MTR: variants seen among roughly 807,000 people sequenced by gnomAD.
MTR encodes the protein methionine synthase.
A neutral mutation model predicts 154.8 loss-of-function variants in MTR; 84 were observed. The ratio of observed to expected loss-of-function variants is 0.54; its 90% CI spans 0.45 to 0.65. The LOEUF (loss-of-function observed/expected upper bound fraction) is 0.65. MTR is among the 30% of genes least tolerant of loss of function. MTR has a pLI of 0.00. For missense variants in MTR, 1,275 were observed against 1,570.2 expected (o/e 0.81, Z 3.18); for synonymous variants, 554 against 553.9 (o/e 1.00, Z 0.00).
At chr1:236,842,016 C>T (rs937306970) in intron 15 of MTR, among the ~76,000 whole-genome samples, 3 of 152,028 alleles carry the variant, frequency 2.0e-5, no homozygotes, top group Admixed American at 6.5e-5. Context: ...CTCAGCCTCC[C>T]GAGTAGCTGG....
intron 32 of MTR, 108 bp downstream of exon 32, chr1:236,897,226 A>G (rs1266679816): frequency 3.3e-6 from 3 of 903,238 alleles, no homozygotes; most frequent in Non-Finnish European, 5.5e-6. Context: ...AGGATGAAGA[A>G]ATTTACTCCA....
At position 236,812,590 on chromosome 1, in the gene MTR, A is replaced by C. The variant is rs368823912; in HGVS notation, c.503-148A>C. 249 of 727,528 alleles carry C rather than the reference A, an allele frequency of 3.4e-4. 1 individual carries two copies. In the South Asian group the frequency reaches 3.7e-3, roughly 11 times the overall value. 45.1% of individuals were successfully genotyped at this position (727,528 alleles called of 1,614,324 possible). ...CCTTCTGTCCCTGCCACCTTTCTTT[A>C]TTTGGTTTCTTACAAAAGATCATGT... On this transcript the variant is annotated intron_variant, in intron 5 of 32. Coordinates refer to ENST00000366577, the MANE Select transcript of MTR (RefSeq NM_000254.3).
At position 236,900,948 on chromosome 1, in the gene MTR, G is replaced by A. The variant is rs1482470099; in HGVS notation, c.*3304G>A. On this transcript the variant is annotated 3_prime_UTR_variant, in exon 33 of 33. Transcript: ENST00000366577. ...TATAGGCAGTTGGATACTAGACTTTGGAATTTAAAAAGAATGTCTGGAGTT... is the reference window on the plus strand; with the variant it reads ...TATAGGCAGTTGGATACTAGACTTTAGAATTTAAAAAGAATGTCTGGAGTT... The A allele has an allele frequency of 6.5e-6, 1 of 152,828 alleles. No individual in the cohort carries two copies. Among genetic ancestry groups the A allele is most frequent in the Admixed American group, 6.5e-5 (1 of 15,278 alleles). 9.5% of individuals were successfully genotyped at this position (152,828 alleles called of 1,614,324 possible).
intron 24 of MTR, among the ~76,000 whole-genome samples, chr1:236,875,118 C>G (rs539457063): frequency 6.6e-6 from 1 of 152,168 alleles, no homozygotes; most frequent in Non-Finnish European, 1.5e-5. Flanking sequence ...CTCTCACTTG[C>G]GATTCAGTTC....
At chr1:236,853,416 C>T (rs1664032189) in intron 18 of MTR, among the ~76,000 whole-genome samples, 1 of 152,102 alleles carries the variant, frequency 6.6e-6, no homozygotes, top group Non-Finnish European at 1.5e-5. Flanking sequence ...AAATAAAAAT[C>T]ACTTGTAATC....
chr1:236,816,830 A>C lies in MTR; in HGVS notation c.764+287A>C, dbSNP rs112935660. Among the ~76,000 whole-genome samples, 1,064 of 152,320 alleles carry C rather than the reference A, an allele frequency of 7.0e-3. 15 individuals are homozygous for C. Among genetic ancestry groups the C allele is most frequent in the Middle Eastern group, 0.048 (14 of 294 alleles). ...TGCAGTGCTTTGCAAATTTTAGGGCAGTGACACTCCCTATTTATGAGGCAA... is the reference window on the plus strand; with the variant it reads ...TGCAGTGCTTTGCAAATTTTAGGGCCGTGACACTCCCTATTTATGAGGCAA... On this transcript the variant is annotated intron_variant, in intron 8 of 32. Transcript: ENST00000366577.
chr1:236,809,260 C>T (rs926014089), intron 4 of MTR, among the ~76,000 whole-genome samples: 1 of 152,184 alleles, frequency 6.6e-6, no homozygotes, highest in Admixed American at 6.5e-5. Context: ...TCCTTGAAGG[C>T]TCTGTGAAGC....
Position 236,895,475 on chromosome 1 carries a change from C to T in MTR, c.3523C>T (p.Pro1175Ser), listed in dbSNP as rs1182672054. 6.3e-7 allele frequency: 1 copy of T among 1,596,704 alleles called. No individual in the cohort carries two copies. The highest frequency in any genetic ancestry group is 2.3e-5 in the East Asian group (1 of 44,098). ...RLRYKGIRPAPGYPSQPDHTE... is the reference protein window; with the variant it reads ...RLRYKGIRPASGYPSQPDHTE... ...GCGGTACAAGGGCATCCGCCCGGCTCCTGGCTACCCCAGCCAGCCCGACCA... is the reference window on the plus strand; with the variant it reads ...GCGGTACAAGGGCATCCGCCCGGCTTCTGGCTACCCCAGCCAGCCCGACCA... Residue 1175 changes from proline to serine, a missense_variant, in exon 31 of 33, where the codon CCT becomes TCT. By Grantham distance (74) the Pro-to-Ser change is moderately conservative. Transcript: ENST00000366577.
intron 18 of MTR, among the ~76,000 whole-genome samples, chr1:236,858,751 G>A (rs949252576): frequency 3.3e-5 from 5 of 152,126 alleles, no homozygotes; most frequent in African/African-American, 1.2e-4. Context: ...AGTGAATGGA[G>A]ATTCAAAGGT....
In MTR at chr1:236,801,429, A is replaced by G. The variant is rs146885161; in HGVS notation, c.35-1999A>G. 1.6e-3 allele frequency among the ~76,000 whole-genome samples: 246 copies of G among 152,324 alleles called. 1 individual carries two copies. Among genetic ancestry groups the G allele is most frequent in the African/African-American group, 4.6e-3 (192 of 41,580 alleles). On this transcript the variant is annotated intron_variant, in intron 1 of 32. Coordinates refer to ENST00000366577, the MANE Select transcript of MTR (RefSeq NM_000254.3). ...GAAGCCCACTTGGAGAAAGTCACTCAAAATAGTTCTGTGACCACCATTTAG... is the reference window on the plus strand; with the variant it reads ...GAAGCCCACTTGGAGAAAGTCACTCGAAATAGTTCTGTGACCACCATTTAG...
At chr1:236,822,397 C>G (rs908808101) in intron 8 of MTR, among the ~76,000 whole-genome samples, 1 of 150,004 alleles carries the variant, frequency 6.7e-6, no homozygotes, top group South Asian at 2.1e-4. Flanking sequence ...GCAGCCTCAA[C>G]CTCCCAGGCT....
chr1:236,879,119 C>G (rs1665590001), intron 24 of MTR, among the ~76,000 whole-genome samples: 1 of 152,226 alleles, frequency 6.6e-6, no homozygotes, highest in Non-Finnish European at 1.5e-5. Context: ...ATAACAGTCT[C>G]TTGGTTTTTA....
At chr1:236,859,738 A>G in intron 18 of MTR, 95 bp from the exon 19 acceptor site, 1 of 968,112 alleles carries the variant, frequency 1.0e-6, no homozygotes, top group Admixed American at 1.8e-5. Flanking sequence ...AAGAAGAATA[A>G]GACACAGGTT....
At chr1:236,810,457 T>C in intron 4 of MTR, 46 bp from the exon 5 acceptor site, 5 of 1,491,042 alleles carry the variant, frequency 3.4e-6, no homozygotes, top group Non-Finnish European at 4.7e-6. Context: ...CGACAAAAAA[T>C]GTTCAGCCAC....
At chr1:236,854,236 A>C (rs535600794) in intron 18 of MTR, among the ~76,000 whole-genome samples, 1 of 152,244 alleles carries the variant, frequency 6.6e-6, no homozygotes, top group Non-Finnish European at 1.5e-5. Context: ...TTGCTTATGG[A>C]AGCCTTAGGC....
At chr1:236,895,215 C>A (rs1403589728) in intron 30 of MTR, 143 bp from the exon 31 acceptor site, 2 of 930,382 alleles carry the variant, frequency 2.1e-6, no homozygotes, top group African/African-American at 3.3e-5. Context: ...AGAATCCAGC[C>A]TGTTTCCTCT....
intron 13 of MTR, 29 bp downstream of exon 13, chr1:236,832,107 A>G: frequency 2.0e-6 from 3 of 1,536,780 alleles, no homozygotes; most frequent in Non-Finnish European, 2.7e-6. Context: ...CCCCTGAGGC[A>G]TCTGCCCATG....
rs554253212 is a variant in MTR, at chr1:236,883,422, A to G, written c.2677-1699A>G. 1.3e-4 allele frequency among the ~76,000 whole-genome samples: 20 copies of G among 152,246 alleles called. 3 individuals are homozygous for G. The South Asian group carries it at 4.1e-3, about 32-fold the overall frequency. ...CAAGGTGCCAGCAAACTGCAGCGGT[A>G]TGTTCTGTCTACACAATAGCACCAG... On this transcript the variant is annotated intron_variant, in intron 25 of 32. Transcript: ENST00000366577.
intron 18 of MTR, among the ~76,000 whole-genome samples, chr1:236,857,478 G>A (rs2103277444): frequency 6.6e-6 from 1 of 152,320 alleles, no homozygotes; most frequent in Non-Finnish European, 1.5e-5. Context: ...CAATTGCCTG[G>A]AAGGTCAAAT....
Sources: allele counts gnomAD v4.1 joint callset (sites outside exome capture counted in the v4.1 genomes callset), GRCh38; gene constraint gnomAD v4.1.1; transcripts MANE v1.5; gene names NCBI Gene and HGNC (gene_info 2026-07-23, HGNC 2026-07-21).